The following PCDHA2 variants were observed in gnomAD, a reference collection of about 807,000 sequenced individuals.
PCDHA2 encodes the protein protocadherin alpha 2, also known as protocadherin alpha-2.
In PCDHA2, 58 loss-of-function variants were observed where a neutral mutation model predicts 66.0. The ratio of observed to expected loss-of-function variants is 0.88; its 90% CI spans 0.71 to 1.09. The LOEUF (loss-of-function observed/expected upper bound fraction) is 1.09. Ranked by LOEUF, PCDHA2 falls within the 50% of genes least tolerant of loss-of-function variation. PCDHA2 has a pLI of 0.00. For missense variants in PCDHA2, 1,267 were observed against 1,242.3 expected, an observed-to-expected ratio of 1.02 and a Z score of -0.30; for synonymous variants, 634 against 554.0, an observed-to-expected ratio of 1.14 and a Z score of -2.03.
intron 1 of PCDHA2, among the ~76,000 whole-genome samples, chr5:140,958,989 A>C (rs2095457963): frequency 6.6e-6 from 1 of 152,064 alleles, no homozygotes; most frequent in Non-Finnish European, 1.5e-5. Flanking sequence ...TATTGTTGCT[A>C]ATCTTTTACT....
intron 1 of PCDHA2, among the ~76,000 whole-genome samples, chr5:140,798,277 C>A (rs974843305): frequency 1.3e-5 from 2 of 152,172 alleles, no homozygotes; most frequent in African/African-American, 4.8e-5. Flanking sequence ...TTAGGAATAA[C>A]TGCTAATCTT....
intron 1 of PCDHA2, chr5:140,966,752 C>T (rs1013247328): frequency 3.5e-6 from 5 of 1,432,026 alleles, no homozygotes; most frequent in Non-Finnish European, 4.6e-6. Flanking sequence ...GCTGCCTCCG[C>T]CGCGGCCAGT....
chr5:140,839,071 T>C lies in PCDHA2; in HGVS notation c.2388+41719T>C, dbSNP rs115806337. 2.0e-3 allele frequency among the ~76,000 whole-genome samples: 311 copies of C among 152,148 alleles called. 5 individuals are homozygous for C. Among genetic ancestry groups the C allele is most frequent in the African/African-American group, 7.1e-3 (293 of 41,488 alleles). On this transcript the variant is annotated intron_variant, in intron 1 of 3. Coordinates refer to ENST00000526136, the MANE Select transcript of PCDHA2 (RefSeq NM_018905.3). ...TGAATAAGGATAGAGGTATGCAAAG[T>C]CAAAAACCTGTCTGATAATCAATAG...
At position 140,809,649 on chromosome 5, in the gene PCDHA2, A is replaced by G. The variant is rs550322878; in HGVS notation, c.2388+12297A>G. Reference sequence around the variant, plus strand: ...ACTTCTTCGTAAATTTATTTCTAAGAGTCAAATTTCCCTGGGTTAAAATTT... The same window carrying G: ...ACTTCTTCGTAAATTTATTTCTAAGGGTCAAATTTCCCTGGGTTAAAATTT... On this transcript the variant is annotated intron_variant, in intron 1 of 3. Coordinates refer to ENST00000526136, the MANE Select transcript of PCDHA2 (RefSeq NM_018905.3). The G allele has an allele frequency of 2.0e-6, 3 of 1,498,874 alleles. No homozygotes were observed. The Admixed American group carries it at 6.9e-5, about 34-fold the overall frequency. 92.8% of individuals were successfully genotyped at this position (1,498,874 alleles called of 1,614,324 possible).
chr5:140,964,380 C>T (rs891362271), intron 1 of PCDHA2, among the ~76,000 whole-genome samples: 9 of 152,120 alleles, frequency 5.9e-5, no homozygotes, highest in Non-Finnish European at 1.3e-4. Context: ...AAGGAGAGTC[C>T]TGGTTTTTCT....
At chr5:140,984,247 C>G (rs1394918677) in intron 3 of PCDHA2, among the ~76,000 whole-genome samples, 2 of 152,138 alleles carry the variant, frequency 1.3e-5, no homozygotes, top group Non-Finnish European at 2.9e-5. Flanking sequence ...GTAGGTCGAC[C>G]TGGTAAGCCA....
At chr5:140,967,894 G>A (rs1586251835) in intron 1 of PCDHA2, 5 of 1,614,192 alleles carry the variant, frequency 3.1e-6, no homozygotes, top group Non-Finnish European at 3.4e-6. Context: ...CAGTGCCTGA[G>A]AATGCTACAC....
At chr5:140,941,648 T>C (rs975692197) in intron 1 of PCDHA2, among the ~76,000 whole-genome samples, 1 of 152,074 alleles carries the variant, frequency 6.6e-6, no homozygotes, top group Non-Finnish European at 1.5e-5. Context: ...TTCCTACAAC[T>C]TATGTCCAAT....
intron 1 of PCDHA2, chr5:140,807,469 G>C (rs546275072): frequency 3.1e-6 from 5 of 1,612,860 alleles, no homozygotes. Context: ...ACCGGGAGGA[G>C]CTGTGCCGGC....
chr5:140,994,263 C>G (rs1329526022), intron 3 of PCDHA2, among the ~76,000 whole-genome samples: 1 of 152,160 alleles, frequency 6.6e-6, no homozygotes, highest in African/African-American at 2.4e-5. Flanking sequence ...ATAAGGTAAG[C>G]TAGGCTGCCT....
chr5:140,863,150 AC>A (rs1554157831), intron 1 of PCDHA2: 2 of 619,160 alleles, frequency 3.2e-6, no homozygotes, highest in Non-Finnish European at 6.2e-6. Context: ...CTGGTGAAGG[AC>A]CACTGCGAGC....
intron 1 of PCDHA2, among the ~76,000 whole-genome samples, chr5:140,838,079 T>A (rs1373778941): frequency 4.7e-3 from 32 of 6,862 alleles, no homozygotes; most frequent in East Asian, 3.8e-3. Context: ...ATATATATAG[T>A]GTGTGTGTGT....
At chr5:140,944,966 C>A (rs1554216639) in intron 1 of PCDHA2, among the ~76,000 whole-genome samples, 1 of 152,080 alleles carries the variant, frequency 6.6e-6, no homozygotes, top group Non-Finnish European at 1.5e-5. Context: ...ATTATCTTAA[C>A]CTCTCTGGTG....
chr5:140,881,099 C>G (rs1554171750), intron 1 of PCDHA2, among the ~76,000 whole-genome samples: 1 of 152,108 alleles, frequency 6.6e-6, no homozygotes, highest in East Asian at 1.9e-4. Flanking sequence ...TTCATTACAC[C>G]ATTTGGCCTG....
chr5:140,870,052 A>C (rs782520778), intron 1 of PCDHA2: 1 of 1,613,830 alleles, frequency 6.2e-7, no homozygotes, highest in Non-Finnish European at 8.5e-7. Flanking sequence ...GTTTTATAAA[A>C]TTGAAGTACA....
At chr5:140,869,899 G>T in intron 1 of PCDHA2, 1 of 1,610,464 alleles carries the variant, frequency 6.2e-7, no homozygotes, top group South Asian at 1.1e-5. Flanking sequence ...CAAACTAAAC[G>T]CCACAGACCG....
rs2150174166 is a variant in PCDHA2, at chr5:140,829,768, C to A, written c.2388+32416C>A. ...TGCAGGTGTTCGTGCTGGACGAGAACGACAACGCGCCGGCGCTGCTGGCGC... is the reference window on the plus strand; with the variant it reads ...TGCAGGTGTTCGTGCTGGACGAGAAAGACAACGCGCCGGCGCTGCTGGCGC... On this transcript the variant is annotated intron_variant, in intron 1 of 3. Transcript: ENST00000526136. The A allele has an allele frequency of 3.1e-6, 5 of 1,613,766 alleles. No homozygotes were observed. The East Asian group carries it at 6.7e-5, about 22-fold the overall frequency.
chr5:140,912,164 CT>C (rs1281307479), intron 1 of PCDHA2, among the ~76,000 whole-genome samples: 1 of 152,158 alleles, frequency 6.6e-6, no homozygotes, highest in Non-Finnish European at 1.5e-5. Flanking sequence ...TTTATTCTGG[CT>C]GTGCTGGCAG....
chr5:140,820,407 A>C (rs1766747622), intron 1 of PCDHA2, among the ~76,000 whole-genome samples: 1 of 152,024 alleles, frequency 6.6e-6, no homozygotes, highest in Non-Finnish European at 1.5e-5. Context: ...CTATATTTTA[A>C]ATGTAAAAGT....
Sources: allele counts gnomAD v4.1 joint callset (sites outside exome capture counted in the v4.1 genomes callset), GRCh38; gene constraint gnomAD v4.1.1; transcripts MANE v1.5; gene names NCBI Gene and HGNC (gene_info 2026-07-23, HGNC 2026-07-21).